The following EDAR variants were observed in gnomAD, a reference collection of about 807,000 sequenced individuals.
EDAR encodes the protein ectodysplasin A receptor.
A neutral mutation model predicts 51.3 loss-of-function variants in EDAR; 38 were observed. The observed-to-expected ratio is 0.74, with a 90% confidence interval of 0.57 to 0.97. The LOEUF (loss-of-function observed/expected upper bound fraction) is 0.97, where lower values mean the gene tolerates loss of function less well. EDAR is among the 50% of genes least tolerant of loss of function. The pLI, the probability that EDAR is intolerant of heterozygous loss-of-function variation, is 0.00. For missense variants in EDAR, 528 were observed against 595.0 expected, an observed-to-expected ratio of 0.89 and a Z score of 1.17; for synonymous variants, 227 against 242.1, an observed-to-expected ratio of 0.94 and a Z score of 0.58.
intron 1 of EDAR, among the ~76,000 whole-genome samples, chr2:108,944,254 C>T (rs1444176474): frequency 6.6e-6 from 1 of 152,164 alleles, no homozygotes; most frequent in African/African-American, 2.4e-5. Flanking sequence ...GCTGGGATTA[C>T]AGGGCTGTAC....
rs145917983 is a variant in EDAR, at chr2:108,987,669, G to T, written c.-19+1291C>A. 3.3e-3 allele frequency among the ~76,000 whole-genome samples: 497 copies of T among 152,324 alleles called. 1 individual carries two copies. Among genetic ancestry groups the T allele is most frequent in the African/African-American group, 0.011 (461 of 41,568 alleles). On this transcript the variant is annotated intron_variant, in intron 1 of 11. Transcript: ENST00000258443. Reference sequence around the variant, plus strand: ...GCTGTCACAAATTAATCCTCCCACAGCACAGCCTGGCCCACTTAGGGATGG... The same window carrying T: ...GCTGTCACAAATTAATCCTCCCACATCACAGCCTGGCCCACTTAGGGATGG...
intron 1 of EDAR, among the ~76,000 whole-genome samples, chr2:108,950,238 TCCTC>T (rs1379703368): frequency 9.0e-5 from 8 of 88,764 alleles, no homozygotes; most frequent in African/African-American, 2.0e-4. Flanking sequence ...CCTCCCTCCC[TCCTC>T]CCTCCCTCCC....
rs531992610 is a variant in EDAR, at chr2:108,899,900, C to T, written c.1025-2671G>A. The stretch of plus-strand genomic sequence containing the variant: ...ACTCGGGAGGCTGAGGCAGGAGAAT[C>T]GCTTGAACCTGGGAGGCGGAGGTTG... On this transcript the variant is annotated intron_variant, in intron 11 of 11. Transcript: ENST00000258443. 7.9e-5 allele frequency among the ~76,000 whole-genome samples: 12 copies of T among 152,108 alleles called. No individual in the cohort carries two copies. The East Asian group carries it at 1.6e-3, about 20-fold the overall frequency.
intron 4 of EDAR, among the ~76,000 whole-genome samples, chr2:108,928,523 C>A (rs1403498233): frequency 1.3e-5 from 2 of 152,196 alleles, no homozygotes; most frequent in African/African-American, 4.8e-5. Flanking sequence ...ACCAGGGACA[C>A]CACCACTGCT....
intron 6 of EDAR, among the ~76,000 whole-genome samples, chr2:108,911,758 C>T (rs2105403404): frequency 6.6e-6 from 1 of 152,252 alleles, no homozygotes; most frequent in South Asian, 2.1e-4. Context: ...GATTTGCCAC[C>T]ACCCAAATAG....
rs121908452 is a variant in EDAR at position 108,897,182 on chromosome 2, G to A, written c.1072C>T (p.Arg358Ter). 1 of 1,613,744 alleles carries A rather than the reference G, an allele frequency of 6.2e-7. No homozygotes were observed. The highest frequency in any genetic ancestry group is 8.5e-7 in the Non-Finnish European group (1 of 1,180,028). The stretch of plus-strand genomic sequence containing the variant: ...GAGTTGTACGTGGAGCTGAGCATTC[G>A]GCTAGTCTTCTCGAGGCAATCAAAT... Reference protein sequence around the residue: ...LPFDCLEKTSRMLSSTYNSEK... With the variant: ...LPFDCLEKTS The change falls in exon 12 of 12, where the codon CGA becomes TGA. Residue 358 changes from arginine to a stop codon, truncating the protein, a stop_gained. Transcript: ENST00000258443. LOFTEE classifies it high-confidence loss of function.
intron 5 of EDAR, among the ~76,000 whole-genome samples, chr2:108,921,705 C>A (rs1357805062): frequency 6.6e-6 from 1 of 152,164 alleles, no homozygotes; most frequent in Non-Finnish European, 1.5e-5. Flanking sequence ...CCAGGGCAGG[C>A]CCAGGGGTGG....
At chr2:108,932,528 CAAAAA>C (rs1171012818) in intron 1 of EDAR, among the ~76,000 whole-genome samples, 8 of 39,156 alleles carry the variant, frequency 2.0e-4, no homozygotes, top group African/African-American at 5.0e-4. Flanking sequence ...GACTCTGTCT[CAAAAA>C]AAAAAAAAAA....
chr2:108,956,062 A>G (rs1177397464), intron 1 of EDAR, among the ~76,000 whole-genome samples: 1 of 152,148 alleles, frequency 6.6e-6, no homozygotes, highest in Non-Finnish European at 1.5e-5. Flanking sequence ...AAATTAGATT[A>G]AAACACTGTT....
intron 6 of EDAR, among the ~76,000 whole-genome samples, chr2:108,911,839 G>A (rs2105403599): frequency 6.6e-6 from 1 of 152,326 alleles, no homozygotes; most frequent in South Asian, 2.1e-4. Flanking sequence ...AACCCCGCAT[G>A]TGGGCGCTGA....
intron 1 of EDAR, among the ~76,000 whole-genome samples, chr2:108,983,303 T>C (rs1209435027): frequency 6.6e-6 from 1 of 152,178 alleles, no homozygotes; most frequent in Non-Finnish European, 1.5e-5. Context: ...ACCTTGAGAC[T>C]CCTCTAAAGT....
At chr2:108,941,708 T>C (rs1228524857) in intron 1 of EDAR, among the ~76,000 whole-genome samples, 1 of 152,186 alleles carries the variant, frequency 6.6e-6, no homozygotes, top group Non-Finnish European at 1.5e-5. Context: ...CCATTATAAA[T>C]AATCACCCTC....
intron 1 of EDAR, among the ~76,000 whole-genome samples, chr2:108,954,733 T>C (rs1296370268): frequency 2.0e-5 from 3 of 151,848 alleles, no homozygotes; most frequent in African/African-American, 7.3e-5. Flanking sequence ...TGGAGTGCAA[T>C]GGCGTGATCT....
chr2:108,904,389 G>GAA (rs1696763770), intron 11 of EDAR, among the ~76,000 whole-genome samples: 1 of 152,190 alleles, frequency 6.6e-6, no homozygotes, highest in Non-Finnish European at 1.5e-5. Context: ...AATAACTTTA[G>GAA]AAAACGGTTT....
At chr2:108,904,901 T>C (rs1253908145) in intron 11 of EDAR, among the ~76,000 whole-genome samples, 1 of 152,204 alleles carries the variant, frequency 6.6e-6, no homozygotes, top group Non-Finnish European at 1.5e-5. Context: ...TGTGTCAATA[T>C]CAGTGTCCTG....
In EDAR at chr2:108,929,202, G is replaced by A. The variant is rs369409048; in HGVS notation, c.352C>T (p.Pro118Ser). ...GCCAGGAGGGCCTGTGCTTACCCAGGGAGGCAAGGGCCACACTCAGCGTCA... is the reference window on the plus strand; with the variant it reads ...GCCAGGAGGGCCTGTGCTTACCCAGAGAGGCAAGGGCCACACTCAGCGTCA... Reference protein sequence around the residue: ...ENDAECGPCLPGYYMLENRPR... With the variant: ...ENDAECGPCLSGYYMLENRPR... Residue 118 changes from proline to serine, a missense_variant, in exon 4 of 12, where the codon CCT becomes TCT. Transcript: ENST00000258443. The A allele has an allele frequency of 6.8e-6, 11 of 1,613,904 alleles. No individual in the cohort carries two copies. The highest frequency in any genetic ancestry group is 8.5e-6 in the Non-Finnish European group (10 of 1,180,046).
At chr2:108,970,936 C>T (rs150363983) in intron 1 of EDAR, among the ~76,000 whole-genome samples, 39 of 152,274 alleles carry the variant, frequency 2.6e-4, no homozygotes, top group Middle Eastern at 3.4e-3. Context: ...AAATAACTAC[C>T]GTTCAGCAAA....
At chr2:108,916,355 G>A (rs2105414613) in intron 5 of EDAR, among the ~76,000 whole-genome samples, 1 of 152,250 alleles carries the variant, frequency 6.6e-6, no homozygotes, top group African/African-American at 2.4e-5. Context: ...TGGGGATGGG[G>A]ACACAAATAT....
At chr2:108,986,802 A>C (rs975415397) in intron 1 of EDAR, among the ~76,000 whole-genome samples, 1 of 152,232 alleles carries the variant, frequency 6.6e-6, no homozygotes, top group African/African-American at 2.4e-5. Context: ...TCCTTCCTGC[A>C]ATATACGAAT....
Sources: allele counts gnomAD v4.1 joint callset (sites outside exome capture counted in the v4.1 genomes callset), GRCh38; gene constraint gnomAD v4.1.1; transcripts MANE v1.5; gene names NCBI Gene and HGNC (gene_info 2026-07-23, HGNC 2026-07-21).